The following SNRPN variants were observed in gnomAD, a reference collection of about 807,000 sequenced individuals.
SNRPN encodes small nuclear ribonucleoprotein polypeptide N.
SNRPN carries 7 observed loss-of-function variants against 25.2 expected under a neutral mutation model. That is an observed-to-expected ratio of 0.28 (90% CI 0.16 to 0.52). The LOEUF is 0.52. Ranked by LOEUF, SNRPN falls within the 20% of genes least tolerant of loss-of-function variation. The pLI, the probability that SNRPN is intolerant of heterozygous loss-of-function variation, is 0.96. For missense variants in SNRPN, 196 were observed against 322.5 expected (o/e 0.61, Z 3.00); for synonymous variants, 124 against 110.6 (o/e 1.12, Z -0.76).
intron 1 of SNRPN, among the ~76,000 whole-genome samples, chr15:24,882,971 A>G (rs1271797582): frequency 6.6e-6 from 1 of 152,130 alleles, no homozygotes; most frequent in Non-Finnish European, 1.5e-5. Context: ...CATCAAACAC[A>G]AAGTCTATTT....
chr15:24,867,955 A>C (rs1337808906), intron 1 of SNRPN, among the ~76,000 whole-genome samples: 1 of 151,514 alleles, frequency 6.6e-6, no homozygotes, highest in Non-Finnish European at 1.5e-5. Flanking sequence ...TTTTCTTTTT[A>C]TTTTTAAATA....
chr15:24,956,570 C>T (rs2062941838), intron 1 of SNRPN, among the ~76,000 whole-genome samples: 2 of 151,814 alleles, frequency 1.3e-5, no homozygotes, highest in African/African-American at 2.4e-5. Context: ...ACAGTCGCCT[C>T]CGCTTGCAGT....
intron 7 of SNRPN, among the ~76,000 whole-genome samples, 183 bp from the exon 8 acceptor site, chr15:24,977,595 G>A (rs1034299840): frequency 2.6e-5 from 4 of 152,010 alleles, no homozygotes; most frequent in African/African-American, 2.4e-5. Context: ...CTGAGATTGC[G>A]CCATTACACT....
intron 1 of SNRPN, among the ~76,000 whole-genome samples, chr15:24,874,309 C>CAA (rs199834006): frequency 0.043 from 2,639 of 60,820 alleles, 214 homozygotes; most frequent in African/African-American, 0.068. Flanking sequence ...GACTCTGTCT[C>CAA]AAAAAAAAAA....
intron 3 of SNRPN, among the ~76,000 whole-genome samples, chr15:24,932,410 C>T (rs11631426): frequency 0.044 from 6,721 of 151,982 alleles, 177 homozygotes; most frequent in African/African-American, 0.061. Flanking sequence ...AATTTTTGTA[C>T]TTTAGTAGAA....
chr15:24,912,674 A>AT (rs1459894348), intron 2 of SNRPN: 1 of 152,202 alleles, frequency 6.6e-6, no homozygotes, highest in Non-Finnish European at 1.5e-5. Context: ...TGACTAAGCC[A>AT]TGAGGGCTCT....
At chr15:24,928,194 G>A (rs548502503) in intron 3 of SNRPN, among the ~76,000 whole-genome samples, 25 of 152,162 alleles carry the variant, frequency 1.6e-4, no homozygotes, top group South Asian at 6.2e-4. Flanking sequence ...AACTACAAAT[G>A]GAACTACCCT....
intron 2 of SNRPN, among the ~76,000 whole-genome samples, chr15:24,900,338 G>T (rs1454648295): frequency 3.9e-5 from 6 of 152,134 alleles, no homozygotes; most frequent in Non-Finnish European, 5.9e-5. Flanking sequence ...TCAAAACCAA[G>T]AATGAGATCC....
chr15:24,970,435 C>A (rs557438119), intron 3 of SNRPN, among the ~76,000 whole-genome samples: 1 of 151,928 alleles, frequency 6.6e-6, no homozygotes, highest in Non-Finnish European at 1.5e-5. Flanking sequence ...AAATATTAGC[C>A]GGGTGTAGTG....
chr15:24,959,381 C>G (rs1295186420), intron 1 of SNRPN, among the ~76,000 whole-genome samples: 2 of 152,116 alleles, frequency 1.3e-5, no homozygotes, highest in South Asian at 2.1e-4. Context: ...AGTCCCAGCA[C>G]TTTTGGAGGC....
chr15:24,832,464 G>A (rs1363126366), intron 2 of SNRPN, among the ~76,000 whole-genome samples: 5 of 152,056 alleles, frequency 3.3e-5, no homozygotes, highest in East Asian at 3.9e-4. Context: ...ACTAATCAGC[G>A]CTCTGTAAAA....
intron 2 of SNRPN, chr15:24,909,272 C>T (rs746593144): frequency 6.9e-6 from 11 of 1,600,490 alleles, no homozygotes; most frequent in African/African-American, 6.7e-5. Context: ...GCTTTCAGAA[C>T]CATAACCAGG....
chr15:24,888,112 C>CTTTTT lies in SNRPN; in HGVS notation c.-505+1533_-505+1537dup, dbSNP rs113183574. Among the ~76,000 whole-genome samples the CTTTTT allele has an allele frequency of 5.6e-4, 79 of 139,924 alleles. 2 individuals are homozygous for CTTTTT. The highest frequency in any genetic ancestry group is 9.4e-4 in the Admixed American group (13 of 13,764). 91.8% of individuals were successfully genotyped at this position (139,924 alleles called of 152,430 possible). ...AAAATGACAAATATATTAGAAATGA[C>CTTTTT]TTTTTTTTTTTTTTGAGATGTAGTC... On this transcript the variant is annotated intron_variant, in intron 2 of 11. Coordinates refer to the SNRPN transcript ENST00000400097.
At chr15:24,895,465 C>G (rs992532563) in intron 2 of SNRPN, among the ~76,000 whole-genome samples, 2 of 151,186 alleles carry the variant, frequency 1.3e-5, no homozygotes, top group African/African-American at 4.9e-5. Flanking sequence ...CTATGACTAT[C>G]TTAAAATTGA....
chr15:24,862,593 G>A (rs1436054456), intron 1 of SNRPN, among the ~76,000 whole-genome samples: 1 of 151,048 alleles, frequency 6.6e-6, no homozygotes, highest in Non-Finnish European at 1.5e-5. Context: ...TGCATGTGTG[G>A]GGCTCACAGG....
intron 3 of SNRPN, among the ~76,000 whole-genome samples, chr15:24,945,754 A>C (rs1034127284): frequency 6.6e-6 from 1 of 152,096 alleles, no homozygotes; most frequent in African/African-American, 2.4e-5. Flanking sequence ...TCCTGAGCCT[A>C]TCTTGGGATT....
At chr15:24,972,438 TG>T (rs1256974594) in intron 3 of SNRPN, among the ~76,000 whole-genome samples, 1 of 152,120 alleles carries the variant, frequency 6.6e-6, no homozygotes, top group African/African-American at 2.4e-5. Context: ...TTTGCTTATT[TG>T]AAAAGTTCTT....
Position 24,909,155 on chromosome 15 carries a change from A to G in SNRPN, c.-504-10856A>G, listed in dbSNP as rs576467324. The G allele has an allele frequency of 2.0e-4, 270 of 1,384,362 alleles. 1 individual carries two copies. The African/African-American group carries it at 3.2e-3, about 16-fold the overall frequency. 85.8% of individuals were successfully genotyped at this position (1,384,362 alleles called of 1,614,324 possible). ...TACCCTGTTCTTTATGTATTGAGAG[A>G]ACTGTTTCTTGTAAGCATTTTCATC... is the stretch of plus-strand genomic sequence containing the variant. On this transcript the variant is annotated intron_variant, in intron 2 of 11. Transcript: ENST00000400097.
rs371123040 is a variant in SNRPN at position 24,839,370 on chromosome 15, A to G, written c.-579+9465A>G. 5.9e-5 allele frequency among the ~76,000 whole-genome samples: 9 copies of G among 152,192 alleles called. No individual in the cohort carries two copies. The East Asian group carries it at 1.6e-3, about 26-fold the overall frequency. ...CCTCTGGGGTGTTCAAAATCATGAC[A>G]TAAGTTCTCCTCAATAACAGCAATG... is the stretch of plus-strand genomic sequence containing the variant. On this transcript the variant is annotated intron_variant, in intron 2 of 12. Transcript: ENST00000400100.
Sources: allele counts gnomAD v4.1 joint callset (sites outside exome capture counted in the v4.1 genomes callset), GRCh38; gene constraint gnomAD v4.1.1; transcripts MANE v1.5; gene names NCBI Gene and HGNC (gene_info 2026-07-23, HGNC 2026-07-21).